Variants in LRRTM4 observed in about 807,000 individuals in gnomAD.
LRRTM4 encodes leucine rich repeat transmembrane neuronal 4.
Under a neutral mutation model 47.6 loss-of-function variants are expected in LRRTM4, and 25 were observed. That is an observed-to-expected ratio of 0.53 (90% confidence interval 0.38 to 0.73). The LOEUF is 0.73. Ranked by LOEUF, LRRTM4 falls within the 30% of genes least tolerant of loss-of-function variation. LRRTM4 has a pLI of 0.00. For missense variants in LRRTM4, 638 were observed against 713.4 expected, an observed-to-expected ratio of 0.89 and a Z score of 1.20; for synonymous variants, 311 against 269.5, an observed-to-expected ratio of 1.15 and a Z score of -1.51.
intron 3 of LRRTM4, among the ~76,000 whole-genome samples, chr2:77,384,207 A>T (rs1029788411): frequency 1.3e-5 from 2 of 151,852 alleles, no homozygotes; most frequent in African/African-American, 2.4e-5. Context: ...AACTTGTATT[A>T]TATTAGGTAG....
intron 3 of LRRTM4, among the ~76,000 whole-genome samples, chr2:77,328,752 T>C (rs1350693120): frequency 6.6e-6 from 1 of 152,184 alleles, no homozygotes; most frequent in Non-Finnish European, 1.5e-5. Context: ...CAGCAGGTGA[T>C]TTATTCCTAT....
chr2:77,298,100 C>T (rs963607811), intron 3 of LRRTM4, among the ~76,000 whole-genome samples: 2 of 152,130 alleles, frequency 1.3e-5, no homozygotes, highest in Admixed American at 6.5e-5. Context: ...GATCAAGAGA[C>T]GAATGGATTA....
chr2:77,480,593 T>C (rs968221180), intron 3 of LRRTM4, among the ~76,000 whole-genome samples: 2 of 152,132 alleles, frequency 1.3e-5, no homozygotes, highest in African/African-American at 4.8e-5. Context: ...GATAGATTTC[T>C]TTCTGCTTAC....
chr2:77,171,006 T>C (rs1345134211), intron 3 of LRRTM4, among the ~76,000 whole-genome samples: 2 of 151,264 alleles, frequency 1.3e-5, no homozygotes, highest in Non-Finnish European at 2.9e-5. Flanking sequence ...TATATGTATA[T>C]ATATTATATG....
At chr2:76,929,875 GA>G (rs1206035458) in intron 3 of LRRTM4, among the ~76,000 whole-genome samples, 1 of 151,978 alleles carries the variant, frequency 6.6e-6, no homozygotes, top group Non-Finnish European at 1.5e-5. Context: ...AAAAGTAGGT[GA>G]ATATGTTTTG....
chr2:76,867,963 A>G (rs1054068825), intron 3 of LRRTM4, among the ~76,000 whole-genome samples: 3 of 152,162 alleles, frequency 2.0e-5, no homozygotes, highest in Non-Finnish European at 4.4e-5. Context: ...AGAGAGATCA[A>G]TTCTATGAGA....
At chr2:77,202,511 A>G (rs1000403844) in intron 3 of LRRTM4, among the ~76,000 whole-genome samples, 2 of 152,246 alleles carry the variant, frequency 1.3e-5, no homozygotes, top group Non-Finnish European at 2.9e-5. Flanking sequence ...GAAGTGATCA[A>G]CCAGACTAGA....
intron 3 of LRRTM4, among the ~76,000 whole-genome samples, chr2:77,041,763 ATTGT>A (rs56336108): frequency 0.12 from 17,959 of 150,182 alleles, 1,331 homozygotes; most frequent in Non-Finnish European, 0.17. Flanking sequence ...TTGCTAGTGA[ATTGT>A]TTGAGTTTTT....
At chr2:77,469,512 C>T (rs1340327175) in intron 3 of LRRTM4, among the ~76,000 whole-genome samples, 6 of 152,144 alleles carry the variant, frequency 3.9e-5, no homozygotes, top group Non-Finnish European at 8.8e-5. Context: ...CAGGTTAACA[C>T]ATAAATCAGA....
intron 3 of LRRTM4, among the ~76,000 whole-genome samples, chr2:76,781,807 TC>T (rs1208885664): frequency 6.6e-6 from 1 of 152,186 alleles, no homozygotes; most frequent in Non-Finnish European, 1.5e-5. Context: ...CTATTTTTTT[TC>T]CTGAAGAGGA....
intron 3 of LRRTM4, among the ~76,000 whole-genome samples, chr2:77,378,147 G>A (rs1420111223): frequency 6.6e-6 from 1 of 151,498 alleles, no homozygotes; most frequent in Non-Finnish European, 1.5e-5. Context: ...TTATTTTGTT[G>A]AAATTTCAAT....
At chr2:77,450,316 GAC>G (rs918464895) in intron 3 of LRRTM4, among the ~76,000 whole-genome samples, 7 of 147,784 alleles carry the variant, frequency 4.7e-5, no homozygotes, top group Admixed American at 3.4e-4. Context: ...CACAAACACA[GAC>G]ACACACACAC....
At chr2:77,129,392 G>C (rs1300618300) in intron 3 of LRRTM4, among the ~76,000 whole-genome samples, 1 of 152,164 alleles carries the variant, frequency 6.6e-6, no homozygotes, top group Admixed American at 6.5e-5. Context: ...CCTCCAAAAA[G>C]TTCTACTAAT....
intron 3 of LRRTM4, among the ~76,000 whole-genome samples, chr2:76,769,541 TAATAACGAAAAC>T (rs1050576009): frequency 1.1e-4 from 17 of 151,834 alleles, no homozygotes; most frequent in African/African-American, 4.1e-4. Context: ...AAAACAAAAA[TAATAACGAAAAC>T]AATAATATGG....
chr2:76,797,512 T>C (rs901558950), intron 3 of LRRTM4, among the ~76,000 whole-genome samples: 6 of 151,890 alleles, frequency 4.0e-5, no homozygotes, highest in African/African-American at 1.5e-4. Context: ...TGCAAAATCA[T>C]GCCAAAATGT....
chr2:77,190,694 C>A (rs181131721), intron 3 of LRRTM4, among the ~76,000 whole-genome samples: 42 of 152,284 alleles, frequency 2.8e-4, no homozygotes, highest in African/African-American at 9.1e-4. Flanking sequence ...ATATGGTTGA[C>A]TGTCATGTGA....
At chr2:77,380,264 G>C (rs1228563719) in intron 3 of LRRTM4, among the ~76,000 whole-genome samples, 1 of 152,052 alleles carries the variant, frequency 6.6e-6, no homozygotes, top group Non-Finnish European at 1.5e-5. Context: ...TGTTGGCAAG[G>C]TTTTAGGTAA....
At chr2:77,318,722 G>A (rs1031927320) in intron 3 of LRRTM4, among the ~76,000 whole-genome samples, 5 of 152,148 alleles carry the variant, frequency 3.3e-5, no homozygotes, top group African/African-American at 1.2e-4. Flanking sequence ...AGAATGGGTA[G>A]TTTCTTAAAG....
intron 3 of LRRTM4, among the ~76,000 whole-genome samples, chr2:77,292,146 G>C (rs1676841962): frequency 6.6e-6 from 1 of 151,370 alleles, no homozygotes; most frequent in African/African-American, 2.4e-5. Flanking sequence ...ACCACAATGA[G>C]ATACCATCTC....
Sources: gnomAD v4.1 joint callset for allele counts (sites outside exome capture counted in the v4.1 genomes callset) on GRCh38, gnomAD v4.1.1 for gene constraint, MANE v1.5 for transcripts, NCBI Gene and HGNC (gene_info 2026-07-23, HGNC 2026-07-21) for gene names.